Variants in FYN observed in about 807,000 individuals in gnomAD.
FYN encodes tyrosine-protein kinase Fyn.
FYN carries 10 observed loss-of-function variants against 70.2 expected under a neutral mutation model. The ratio of observed to expected loss-of-function variants is 0.14; its 90% CI spans 0.09 to 0.24. The LOEUF (loss-of-function observed/expected upper bound fraction) is 0.24, where lower values mean the gene tolerates loss of function less well. Among genes scored for constraint, FYN ranks in the 10% least tolerant of loss-of-function variants. The probability of loss-of-function intolerance (pLI) is 1.00; values close to 1 mark genes in which losing one functional copy is unlikely to be tolerated. For missense variants in FYN, 319 were observed against 673.1 expected, an observed-to-expected ratio of 0.47 and a Z score of 5.82; for synonymous variants, 236 against 248.6, an observed-to-expected ratio of 0.95 and a Z score of 0.48.
Position 111,834,037 on chromosome 6 carries a change from A to G in FYN, c.-82+12552T>C, listed in dbSNP as rs187455843. Among the ~76,000 whole-genome samples, 3 of 152,376 alleles carry G rather than the reference A, an allele frequency of 2.0e-5. No homozygotes were observed. The East Asian group carries it at 5.8e-4, about 29-fold the overall frequency. On this transcript the variant is annotated intron_variant, in intron 2 of 13. Transcript: ENST00000354650. Reference sequence around the variant, plus strand: ...GCATCAGTAGGAATGAATCTTAAAAATGTTGAATGAATCTTAACAAATGTT... The same window carrying G: ...GCATCAGTAGGAATGAATCTTAAAAGTGTTGAATGAATCTTAACAAATGTT...
chr6:111,867,292 C>T (rs1403877835), intron 1 of FYN, among the ~76,000 whole-genome samples: 3 of 151,742 alleles, frequency 2.0e-5, no homozygotes, highest in South Asian at 2.1e-4. Flanking sequence ...GCCAACGTGG[C>T]GAAACCCCAA....
intron 2 of FYN, among the ~76,000 whole-genome samples, chr6:111,817,165 T>G (rs1041778458): frequency 1.3e-5 from 2 of 152,210 alleles, no homozygotes; most frequent in African/African-American, 4.8e-5. Context: ...TTTCTACCTG[T>G]GTATACAGGT....
At chr6:111,782,027 GA>G (rs1017983183) in intron 2 of FYN, among the ~76,000 whole-genome samples, 2 of 152,184 alleles carry the variant, frequency 1.3e-5, no homozygotes, top group African/African-American at 4.8e-5. Context: ...TAGAGACAAT[GA>G]TGAGATCATG....
intron 1 of FYN, among the ~76,000 whole-genome samples, chr6:111,850,153 T>C (rs1183783511): frequency 6.6e-6 from 1 of 152,228 alleles, no homozygotes; most frequent in African/African-American, 2.4e-5. Context: ...GTCATAACCA[T>C]GTATCATACA....
In FYN at chr6:111,694,539, C is replaced by A; in HGVS notation, c.1120-11G>T. The A allele has an allele frequency of 6.2e-7, 1 of 1,614,056 alleles. No homozygotes were observed. The highest frequency in any genetic ancestry group is 8.5e-7 in the Non-Finnish European group (1 of 1,179,966). On this transcript the variant is annotated splice_polypyrimidine_tract_variant and intron_variant, in intron 11 of 13. Transcript: ENST00000354650. The surrounding 1 kb of genome is among the most constrained non-coding windows in gnomAD (Gnocchi z 5.0). ...CATTCCTGCAGCCACCTGTGGAAAC[C>A]CAGGGAACAGGACATGTTACACCAC...
intron 2 of FYN, among the ~76,000 whole-genome samples, chr6:111,833,861 C>T (rs1054130548): frequency 2.0e-5 from 3 of 152,168 alleles, no homozygotes; most frequent in Admixed American, 1.3e-4. Context: ...GCAGGATGCA[C>T]ATTCAAGAAT....
At chr6:111,682,778 TA>T in intron 12 of FYN, among the ~76,000 whole-genome samples, 2 of 152,232 alleles carry the variant, frequency 1.3e-5, no homozygotes, top group Non-Finnish European at 2.9e-5. Flanking sequence ...AAAACATCCC[TA>T]AGTCTCAGTT....
intron 2 of FYN, among the ~76,000 whole-genome samples, chr6:111,820,546 G>A (rs1163429844): frequency 6.6e-6 from 1 of 152,030 alleles, no homozygotes; most frequent in Non-Finnish European, 1.5e-5. Context: ...CAGCGCTTAG[G>A]ATATTTACGT....
intron 12 of FYN, among the ~76,000 whole-genome samples, chr6:111,686,125 C>T (rs2128422877): frequency 6.6e-6 from 1 of 150,942 alleles, no homozygotes; most frequent in East Asian, 1.9e-4. Context: ...TGGATGCGCT[C>T]TACAATTCAT....
At position 111,764,078 on chromosome 6, in the gene FYN, A is replaced by G. The variant is rs112392901; in HGVS notation, c.-12+16488T>C. ...GTGAAGCAAGAATGGCAGAATGTTG[A>G]TGATCACTGTTGGAGCTGGGTGAGG... is the stretch of plus-strand genomic sequence containing the variant. On this transcript the variant is annotated intron_variant, in intron 3 of 13. Transcript: ENST00000354650. Among the ~76,000 whole-genome samples the G allele has an allele frequency of 1.2e-4, 18 of 152,192 alleles. 1 individual carries two copies. Among genetic ancestry groups the G allele is most frequent in the African/African-American group, 4.3e-4 (18 of 41,512 alleles).
intron 1 of FYN, among the ~76,000 whole-genome samples, chr6:111,855,586 A>T (rs920823837): frequency 2.6e-5 from 4 of 152,220 alleles, no homozygotes; most frequent in African/African-American, 9.6e-5. Context: ...ACACTTCAAC[A>T]TAGCAGTATA....
At chr6:111,682,942 A>G (rs1252276433) in intron 12 of FYN, among the ~76,000 whole-genome samples, 1 of 152,230 alleles carries the variant, frequency 6.6e-6, no homozygotes, top group African/African-American at 2.4e-5. Context: ...AAAGTCCCTG[A>G]GTTGCACTGG....
At position 111,694,668 on chromosome 6, in the gene FYN, C is replaced by A. The variant is rs1799498220; in HGVS notation, c.1079G>T (p.Arg360Ile). ...CACAAGATTTGGTAATTTCAGAGCT[C>A]TTCCTTCTCCATCTTTTAAGAAATC... ...LLDFLKDGEG[R>I]ALKLPNLVDM... Residue 360 changes from arginine (R) to isoleucine (I), a missense_variant, in exon 11 of 14, where the codon AGA becomes ATA. Around this residue, in one of 4 missense-constraint regions of FYN, gnomAD observed 15 missense variants for 16.0 expected, o/e 0.94. Coordinates refer to ENST00000354650, the MANE Select transcript of FYN (RefSeq NM_002037.5). This position sits in a 1 kb window ranked among gnomAD's most constrained non-coding sequence, Gnocchi z 5.0. 1 of 1,614,054 alleles carries A rather than the reference C, an allele frequency of 6.2e-7. No homozygotes were observed. The highest frequency in any genetic ancestry group is 8.5e-7 in the Non-Finnish European group (1 of 1,179,984).
chr6:111,691,252 C>T (rs1282043965), intron 12 of FYN, among the ~76,000 whole-genome samples: 1 of 152,208 alleles, frequency 6.6e-6, no homozygotes, highest in African/African-American at 2.4e-5. Flanking sequence ...CAGCTCCACA[C>T]TCCAATTCTG....
At chr6:111,771,131 G>A (rs999878503) in intron 3 of FYN, among the ~76,000 whole-genome samples, 2 of 152,080 alleles carry the variant, frequency 1.3e-5, no homozygotes, top group African/African-American at 4.8e-5. Context: ...GACCAACAGA[G>A]ATCTTTAGCC....
intron 2 of FYN, among the ~76,000 whole-genome samples, chr6:111,807,849 C>T (rs1772198947): frequency 1.3e-5 from 2 of 152,110 alleles, no homozygotes; most frequent in African/African-American, 2.4e-5. Flanking sequence ...GTGGCTCATG[C>T]CTGTAATCCC....
intron 13 of FYN, among the ~76,000 whole-genome samples, chr6:111,668,597 G>GA (rs1316609508): frequency 6.6e-6 from 1 of 151,930 alleles, no homozygotes; most frequent in Admixed American, 6.5e-5. Flanking sequence ...CGTGAGGCTG[G>GA]AACACAGGAC....
chr6:111,771,436 A>G (rs1803446889), intron 3 of FYN, among the ~76,000 whole-genome samples: 1 of 152,234 alleles, frequency 6.6e-6, no homozygotes, highest in South Asian at 2.1e-4. Flanking sequence ...AAAATCCAAG[A>G]TTTTATAATA....
At chr6:111,683,180 G>A (rs1798847863) in intron 12 of FYN, among the ~76,000 whole-genome samples, 2 of 152,210 alleles carry the variant, frequency 1.3e-5, no homozygotes, top group Non-Finnish European at 2.9e-5. Flanking sequence ...AAACCCAACA[G>A]AGAACTAAAT....
Sources: gnomAD v4.1 joint callset for allele counts (sites outside exome capture counted in the v4.1 genomes callset) on GRCh38, gnomAD v4.1.1 for gene constraint, gnomAD v4.1.1 regional missense constraint, Gnocchi (gnomAD v3.1) non-coding constraint, MANE v1.5 for transcripts, NCBI Gene and HGNC (gene_info 2026-07-23, HGNC 2026-07-21) for gene names.